SBF2: variants seen among roughly 807,000 people sequenced by gnomAD.
The protein encoded by SBF2 is SET binding factor 2, also known as myotubularin-related protein 13.
A neutral mutation model predicts 225.2 loss-of-function variants in SBF2; 112 were observed. The observed-to-expected ratio is 0.50, with a 90% CI of 0.43 to 0.58. The LOEUF (loss-of-function observed/expected upper bound fraction) is 0.58. Among genes scored for constraint, SBF2 ranks in the 20% least tolerant of loss-of-function variants. The pLI, the probability that SBF2 is intolerant of heterozygous loss-of-function variation, is 0.00. For missense variants in SBF2, 1,996 were observed against 2,206.2 expected (o/e 0.90, Z 1.91); for synonymous variants, 763 against 773.3 (o/e 0.99, Z 0.22).
chr11:10,290,375 C>T (rs1218160188), intron 1 of SBF2, among the ~76,000 whole-genome samples: 1 of 152,082 alleles, frequency 6.6e-6, no homozygotes, highest in Non-Finnish European at 1.5e-5. Flanking sequence ...AGAAGGATAT[C>T]TTCCAATGGA....
rs201788060 is a variant in SBF2 at position 9,856,768 on chromosome 11, G to A, written c.2101-48C>T. The A allele has an allele frequency of 2.0e-5, 31 of 1,530,902 alleles. No homozygotes were observed. The East Asian group carries it at 3.4e-4, about 17-fold the overall frequency. The allele number at this position is 1,530,902 out of a possible 1,614,324, so 94.8% of individuals were successfully genotyped here. A position where few individuals can be genotyped will look rare whatever the true frequency, so the allele number is the denominator to read the frequency against. ...CCAAAAGAGAACCATCACTTCAGGTGAGCTTAAAAAACATAGATTTTTTTT... is the reference window on the plus strand; with the variant it reads ...CCAAAAGAGAACCATCACTTCAGGTAAGCTTAAAAAACATAGATTTTTTTT... On this transcript the variant is annotated intron_variant, in intron 18 of 39. Coordinates refer to ENST00000256190, the MANE Select transcript of SBF2 (RefSeq NM_030962.4).
intron 1 of SBF2, among the ~76,000 whole-genome samples, chr11:10,227,192 T>G (rs1438024314): frequency 6.6e-6 from 1 of 152,194 alleles, no homozygotes; most frequent in African/African-American, 2.4e-5. Context: ...TGTAAATTTG[T>G]TTGAGTTCAT....
intron 2 of SBF2, among the ~76,000 whole-genome samples, chr11:10,046,735 A>C (rs1214032367): frequency 6.6e-6 from 1 of 151,986 alleles, no homozygotes; most frequent in Non-Finnish European, 1.5e-5. Flanking sequence ...TGCCCCTTTC[A>C]CCACTGCTTC....
chr11:10,125,107 T>TC (rs1555035747), intron 2 of SBF2, among the ~76,000 whole-genome samples: 2 of 59,768 alleles, frequency 3.3e-5, no homozygotes, highest in African/African-American at 1.1e-4. Flanking sequence ...AGACTGTGTC[T>TC]CAAAAAAAAA....
intron 2 of SBF2, among the ~76,000 whole-genome samples, chr11:10,144,022 C>T (rs1010111663): frequency 6.6e-6 from 1 of 152,152 alleles, no homozygotes; most frequent in African/African-American, 2.4e-5. Context: ...CCCGGCCCAA[C>T]AACTGAGTTT....
At chr11:9,955,719 A>C (rs1866117293) in intron 16 of SBF2, among the ~76,000 whole-genome samples, 1 of 152,082 alleles carries the variant, frequency 6.6e-6, no homozygotes, top group Non-Finnish European at 1.5e-5. Flanking sequence ...AATATACATA[A>C]GCTATAAGGT....
chr11:9,871,762 A>G (rs896663355), intron 17 of SBF2, among the ~76,000 whole-genome samples: 2 of 152,110 alleles, frequency 1.3e-5, no homozygotes, highest in Non-Finnish European at 2.9e-5. Context: ...AAGTGCTGGG[A>G]TTACAGGCAT....
chr11:9,835,335 C>T (rs1205095589), intron 26 of SBF2, among the ~76,000 whole-genome samples: 1 of 151,988 alleles, frequency 6.6e-6, no homozygotes, highest in African/African-American at 2.4e-5. Flanking sequence ...TTACCACTAT[C>T]CTGCCTGGCA....
intron 2 of SBF2, among the ~76,000 whole-genome samples, chr11:10,143,573 T>TA (rs774774953): frequency 6.6e-6 from 1 of 152,126 alleles, no homozygotes; most frequent in Non-Finnish European, 1.5e-5. Flanking sequence ...ACTAAAACAG[T>TA]AAATGAAGAA....
intron 1 of SBF2, among the ~76,000 whole-genome samples, chr11:10,217,818 AAAG>A (rs561236819): frequency 3.5e-4 from 54 of 152,352 alleles, no homozygotes; most frequent in Non-Finnish European, 6.3e-4. Flanking sequence ...TATTTAAAAA[AAAG>A]AAGTTTAATA....
chr11:10,299,042 C>T (rs969068257), upstream of SBF2, among the ~76,000 whole-genome samples: 4 of 152,036 alleles, frequency 2.6e-5, no homozygotes, highest in South Asian at 2.1e-4. Context: ...TCATAGATGA[C>T]GTAGAAAGTG....
chr11:9,946,362 C>A (rs183585873), intron 16 of SBF2, among the ~76,000 whole-genome samples: 33 of 152,262 alleles, frequency 2.2e-4, no homozygotes, highest in Non-Finnish European at 1.0e-4. Context: ...TGCACATGCA[C>A]CCCCTGAACC....
chr11:9,994,271 G>A (rs542541778), intron 9 of SBF2, among the ~76,000 whole-genome samples: 3 of 151,432 alleles, frequency 2.0e-5, no homozygotes, highest in South Asian at 2.1e-4. Context: ...TCAGGAGATC[G>A]AGACCATCCT....
intron 2 of SBF2, among the ~76,000 whole-genome samples, chr11:10,062,337 A>G (rs1029211011): frequency 5.9e-5 from 9 of 152,170 alleles, no homozygotes; most frequent in South Asian, 2.1e-4. Context: ...AAAATTGACA[A>G]ATGGGGTCTA....
At chr11:10,250,917 C>T (rs1389687289) in intron 1 of SBF2, among the ~76,000 whole-genome samples, 1 of 152,204 alleles carries the variant, frequency 6.6e-6, no homozygotes, top group Non-Finnish European at 1.5e-5. Flanking sequence ...AGGCAAGTTT[C>T]TCCCCAGAAG....
At chr11:10,113,947 T>C (rs1460178018) in intron 2 of SBF2, among the ~76,000 whole-genome samples, 1 of 151,848 alleles carries the variant, frequency 6.6e-6, no homozygotes, top group Non-Finnish European at 1.5e-5. Flanking sequence ...AAGCTGCTAT[T>C]ATAATTTTAA....
intron 2 of SBF2, among the ~76,000 whole-genome samples, chr11:10,164,509 G>T (rs1955871754): frequency 1.3e-5 from 2 of 152,144 alleles, no homozygotes; most frequent in African/African-American, 4.8e-5. Context: ...GATAGTCAAA[G>T]ACAGTAGCTG....
rs200305955 is a variant in SBF2 at position 10,125,126 on chromosome 11, AAT to A, written c.141+68774_141+68775del. Among the ~76,000 whole-genome samples the A allele has an allele frequency of 3.2e-4, 48 of 151,038 alleles. 2 individuals are homozygous for A. The highest frequency in any genetic ancestry group is 9.8e-4 in the East Asian group (5 of 5,092). On this transcript the variant is annotated intron_variant, in intron 2 of 39. Transcript: ENST00000256190. Reference sequence around the variant, plus strand: ...TGTGTCTCAAAAAAAAAAAAAAAAAAATTCTACTTAGAATTTTACCATGAATA... The same window carrying A: ...TGTGTCTCAAAAAAAAAAAAAAAAAATCTACTTAGAATTTTACCATGAATA...
rs541579824 is a variant in SBF2 at position 9,988,970 on chromosome 11, A to G, written c.1395+527T>C. On this transcript the variant is annotated intron_variant, in intron 13 of 39. Transcript: ENST00000256190. ...TGCACATGCATGTTTACAGCAGCACAATTCACAATTGCAAAATCACGGAAG... is the reference window on the plus strand; with the variant it reads ...TGCACATGCATGTTTACAGCAGCACGATTCACAATTGCAAAATCACGGAAG... Among the ~76,000 whole-genome samples the G allele has an allele frequency of 2.0e-4, 31 of 152,216 alleles. 1 individual carries two copies. The highest frequency in any genetic ancestry group is 7.0e-4 in the African/African-American group (29 of 41,548).
Sources: allele counts gnomAD v4.1 joint callset (sites outside exome capture counted in the v4.1 genomes callset), GRCh38; gene constraint gnomAD v4.1.1; transcripts MANE v1.5; gene names NCBI Gene and HGNC (gene_info 2026-07-23, HGNC 2026-07-21).